The following PDZRN4 variants were observed in gnomAD, a reference collection of about 807,000 sequenced individuals.
The protein encoded by PDZRN4 is PDZ domain containing ring finger 4.
PDZRN4 carries 70 observed loss-of-function variants against 99.0 expected under a neutral mutation model. The ratio of observed to expected loss-of-function variants is 0.71; its 90% CI spans 0.58 to 0.86. PDZRN4 has a LOEUF of 0.86. Ranked by LOEUF, PDZRN4 falls within the 40% of genes least tolerant of loss-of-function variation. The pLI is 0.00. For missense variants in PDZRN4, 1,474 were observed against 1,331.2 expected (o/e 1.11, Z -1.67); for synonymous variants, 551 against 501.6 (o/e 1.10, Z -1.32).
At chr12:41,392,566 T>G (rs1197854962) in intron 3 of PDZRN4, among the ~76,000 whole-genome samples, 1 of 152,212 alleles carries the variant, frequency 6.6e-6, no homozygotes, top group East Asian at 1.9e-4. Context: ...AGTGGACTTG[T>G]GTTCACACCA....
At chr12:41,318,879 T>C (rs533110047) in intron 3 of PDZRN4, among the ~76,000 whole-genome samples, 1 of 152,280 alleles carries the variant, frequency 6.6e-6, no homozygotes, top group South Asian at 2.1e-4. Flanking sequence ...GAGACATTAA[T>C]AATTATCATT....
At chr12:41,213,999 G>A (rs773964224) in intron 3 of PDZRN4, among the ~76,000 whole-genome samples, 5 of 151,880 alleles carry the variant, frequency 3.3e-5, no homozygotes, top group African/African-American at 4.8e-5. Context: ...GCAATGCGTG[G>A]TACATAGCCA....
At chr12:41,373,757 G>A (rs1215441066) in intron 3 of PDZRN4, among the ~76,000 whole-genome samples, 1 of 152,136 alleles carries the variant, frequency 6.6e-6, no homozygotes, top group African/African-American at 2.4e-5. Context: ...CTAAAGTAAA[G>A]ACTGGTGTAG....
At chr12:41,522,906 CTCAT>C (rs1938516989) in intron 5 of PDZRN4, among the ~76,000 whole-genome samples, 1 of 152,046 alleles carries the variant, frequency 6.6e-6, no homozygotes. Context: ...TCATTAAGTC[CTCAT>C]TCACTCTTCC....
At chr12:41,459,529 T>C (rs1952849955) in intron 3 of PDZRN4, among the ~76,000 whole-genome samples, 1 of 152,214 alleles carries the variant, frequency 6.6e-6, no homozygotes, top group Non-Finnish European at 1.5e-5. Context: ...CAATTAGCCA[T>C]TACCAGACTT....
intron 1 of PDZRN4, 97 bp downstream of exon 1, chr12:41,189,200 T>G (rs762311025): frequency 4.3e-6 from 5 of 1,174,128 alleles, no homozygotes; most frequent in Non-Finnish European, 6.0e-6. Context: ...GAATTGGGCA[T>G]CCTTCCTCAC....
chr12:41,557,148 CA>C (rs112787721), intron 7 of PDZRN4, among the ~76,000 whole-genome samples: 1,307 of 57,814 alleles, frequency 0.023, 4 homozygotes, highest in African/African-American at 0.033. Flanking sequence ...GAGACACTCT[CA>C]AAAAAAAAAA....
At chr12:41,551,261 C>T (rs1480670142) in intron 5 of PDZRN4, among the ~76,000 whole-genome samples, 2 of 151,976 alleles carry the variant, frequency 1.3e-5, no homozygotes, top group Non-Finnish European at 2.9e-5. Context: ...CCTAAGGGCA[C>T]TAATCTTTTT....
chr12:41,555,102 G>A (rs531472389), intron 6 of PDZRN4, among the ~76,000 whole-genome samples: 2 of 148,314 alleles, frequency 1.3e-5, no homozygotes, highest in African/African-American at 2.5e-5. Context: ...GTGGTGGCAG[G>A]CATCTGTAGT....
chr12:41,420,932 TTCGCTATTCACGGTACG>T (rs1288130243), intron 3 of PDZRN4, among the ~76,000 whole-genome samples: 1 of 152,122 alleles, frequency 6.6e-6, no homozygotes, highest in Non-Finnish European at 1.5e-5. Context: ...TCTGTTTATA[TTCGCTATTCACGGTACG>T]TCTTCCTCCT....
intron 3 of PDZRN4, among the ~76,000 whole-genome samples, chr12:41,434,026 T>C (rs1249534354): frequency 2.0e-5 from 3 of 152,210 alleles, no homozygotes; most frequent in Non-Finnish European, 2.9e-5. Flanking sequence ...GTAACCACCA[T>C]CCTGACTTTT....
Position 41,300,772 on chromosome 12 carries a change from A to G in PDZRN4, c.843+106584A>G, listed in dbSNP as rs185951773. Among the ~76,000 whole-genome samples the G allele has an allele frequency of 1.9e-3, 282 of 152,082 alleles. 1 individual carries two copies. Among genetic ancestry groups the G allele is most frequent in the African/African-American group, 6.2e-3 (256 of 41,560 alleles). ...TGAAAACTTTCTGTAGTTTTACAAT[A>G]TAACTTTGTGATTTTTCAGAGCTAT... On this transcript the variant is annotated intron_variant, in intron 3 of 9. Transcript: ENST00000402685.
intron 3 of PDZRN4, among the ~76,000 whole-genome samples, chr12:41,447,364 GTAGTGT>G (rs1952738182): frequency 2.0e-5 from 3 of 152,206 alleles, no homozygotes; most frequent in Middle Eastern, 6.8e-3. Context: ...ATGGCACATT[GTAGTGT>G]TACTGTCTTT....
At chr12:41,524,363 T>C (rs369625472) in intron 5 of PDZRN4, among the ~76,000 whole-genome samples, 1 of 152,246 alleles carries the variant, frequency 6.6e-6, no homozygotes, top group South Asian at 2.1e-4. Context: ...ACTACAACAG[T>C]ATGAGACAGG....
chr12:41,241,299 A>T (rs1951100435), intron 3 of PDZRN4, among the ~76,000 whole-genome samples: 1 of 152,216 alleles, frequency 6.6e-6, no homozygotes, highest in Admixed American at 6.5e-5. Flanking sequence ...GATAAAGGAT[A>T]CCAGGGATTA....
intron 5 of PDZRN4, among the ~76,000 whole-genome samples, chr12:41,550,956 T>C (rs1939042453): frequency 6.6e-6 from 1 of 152,188 alleles, no homozygotes; most frequent in African/African-American, 2.4e-5. Context: ...TATTCTCTTG[T>C]TTGAAGTTAA....
At position 41,573,385 on chromosome 12, in the gene PDZRN4, A is replaced by G; in HGVS notation, c.2606A>G (p.Gln869Arg). 1 of 1,613,532 alleles carries G rather than the reference A, an allele frequency of 6.2e-7. No individual in the cohort carries two copies. Among genetic ancestry groups the G allele is most frequent in the Non-Finnish European group, 8.5e-7 (1 of 1,179,994 alleles). The change falls in exon 10 of 10, where the codon CAG (glutamine) becomes CGG (arginine). Residue 869 changes from glutamine (Q) to arginine (R), a missense_variant. Physicochemically the swap from Gln to Arg is conservative, Grantham distance 43. Transcript: ENST00000402685. ...QKSAVEYAQS[Q>R]LSLVSMCKES... ...TCTGCAGTCGAGTATGCTCAGAGTC[A>G]GCTCAGCTTGGTGAGCATGTGCAAG...
At chr12:41,545,258 C>A (rs1007920703) in intron 5 of PDZRN4, among the ~76,000 whole-genome samples, 1 of 152,156 alleles carries the variant, frequency 6.6e-6, no homozygotes, top group Non-Finnish European at 1.5e-5. Context: ...CTCACCCAGC[C>A]CAATCTTAAA....
intron 3 of PDZRN4, among the ~76,000 whole-genome samples, chr12:41,232,731 A>G (rs529712308): frequency 3.7e-4 from 57 of 152,238 alleles, no homozygotes; most frequent in African/African-American, 1.3e-3. Flanking sequence ...TGTTTTAGAC[A>G]TGAAGTCCTT....
Sources: gnomAD v4.1 joint callset for allele counts (sites outside exome capture counted in the v4.1 genomes callset) on GRCh38, gnomAD v4.1.1 for gene constraint, MANE v1.5 for transcripts, NCBI Gene and HGNC (gene_info 2026-07-23, HGNC 2026-07-21) for gene names.